The following AGFG1 variants were observed in gnomAD, a reference collection of about 807,000 sequenced individuals.
The protein encoded by AGFG1 is arf-GAP domain and FG repeat-containing protein 1.
AGFG1 carries 10 observed loss-of-function variants against 60.6 expected under a neutral mutation model. The ratio of observed to expected loss-of-function variants is 0.16; its 90% CI spans 0.10 to 0.28. The LOEUF (loss-of-function observed/expected upper bound fraction) is 0.28. AGFG1 is among the 10% of genes least tolerant of loss of function. The pLI, the probability that AGFG1 is intolerant of heterozygous loss-of-function variation, is 1.00. For synonymous variants in AGFG1, 247 were observed against 242.9 expected (o/e 1.02, Z -0.16); for missense variants, 537 against 676.5 (o/e 0.79, Z 2.29).
In AGFG1 at chr2:227,484,678, TTTTTTTTTTG is replaced by T. The variant is rs1177283301; in HGVS notation, c.168-6859_168-6850del. Among the ~76,000 whole-genome samples the T allele has an allele frequency of 4.9e-3, 45 of 9,204 alleles. 4 individuals are homozygous for T. Among genetic ancestry groups the T allele is most frequent in the African/African-American group, 0.013 (42 of 3,266 alleles). The allele number at this position is 9,204 out of a possible 152,430, so 6.0% of individuals were successfully genotyped here. On this transcript the variant is annotated intron_variant, in intron 1 of 12. Transcript: ENST00000310078. ...AGCTTCTTTAATGAAGATCTCTTAG[TTTTTTTTTTG>T]TTTTTTTTTTTTTTTTTTTTTTTTT... is the stretch of plus-strand genomic sequence containing the variant.
Position 227,510,269 on chromosome 2 carries a change from C to T in AGFG1, c.262-9679C>T, listed in dbSNP as rs114059786. Among the ~76,000 whole-genome samples the T allele has an allele frequency of 3.4e-3, 516 of 152,184 alleles. 3 individuals carry two copies. The highest frequency in any genetic ancestry group is 0.012 in the African/African-American group (489 of 41,516). On this transcript the variant is annotated intron_variant, in intron 2 of 12. Transcript: ENST00000310078. Reference sequence around the variant, plus strand: ...ACACATACACACACACACATGCACACGCACACACATCCACACCCCTGATTG... The same window carrying T: ...ACACATACACACACACACATGCACATGCACACACATCCACACCCCTGATTG...
Position 227,524,684 on chromosome 2 carries a change from T to G in AGFG1, c.541-78T>G, listed in dbSNP as rs980985621. On this transcript the variant is annotated intron_variant, in intron 4 of 12. Coordinates refer to ENST00000310078, the MANE Select transcript of AGFG1 (RefSeq NM_004504.5). Reference sequence around the variant, plus strand: ...AACTCTTCGTATGTATAAGTGTGTTTTAAGTTTGCAGATAGTTTTGTATAA... The same window carrying G: ...AACTCTTCGTATGTATAAGTGTGTTGTAAGTTTGCAGATAGTTTTGTATAA... 2.6e-5 allele frequency: 39 copies of G among 1,475,508 alleles called. No individual in the cohort carries two copies. In the East Asian group the frequency reaches 8.7e-4, roughly 33 times the overall value. 91.4% of individuals were successfully genotyped at this position (1,475,508 alleles called of 1,614,324 possible).
At chr2:227,533,997 T>C (rs1299558532) in intron 7 of AGFG1, among the ~76,000 whole-genome samples, 1 of 152,112 alleles carries the variant, frequency 6.6e-6, no homozygotes, top group Non-Finnish European at 1.5e-5. Flanking sequence ...TGAGAAAAAT[T>C]TTATTTTGTC....
At position 227,507,622 on chromosome 2, in the gene AGFG1, A is replaced by AAG. The variant is rs1226669958; in HGVS notation, c.262-12325_262-12324insGA. Among the ~76,000 whole-genome samples the AAG allele has an allele frequency of 8.0e-5, 12 of 150,422 alleles. No homozygotes were observed. In the South Asian group the frequency reaches 2.3e-3, roughly 29 times the overall value. On this transcript the variant is annotated intron_variant, in intron 2 of 12. Coordinates refer to ENST00000310078, the MANE Select transcript of AGFG1 (RefSeq NM_004504.5). ...TGTCTCAAAAAAAAAAAAAAAAAAA[A>AAG]AAAAGCGCCTTTTCACTAATTTTTT...
rs1349175932 is a variant in AGFG1 at position 227,554,627 on chromosome 2, G to A, written c.*132G>A. 6 of 718,714 alleles carry A rather than the reference G, an allele frequency of 8.3e-6. No individual in the cohort carries two copies. Among genetic ancestry groups the A allele is most frequent in the Non-Finnish European group, 1.1e-5 (5 of 446,898 alleles). 44.5% of individuals were successfully genotyped at this position (718,714 alleles called of 1,614,324 possible). ...GAAGTCTTTAAAAAGCCTGCATTGT[G>A]TATTAAACACCAGGTAATATGTGCA... On this transcript the variant is annotated 3_prime_UTR_variant, in exon 13 of 13. Coordinates refer to ENST00000310078, the MANE Select transcript of AGFG1 (RefSeq NM_004504.5).
At chr2:227,541,182 G>A (rs569044024) in intron 10 of AGFG1, among the ~76,000 whole-genome samples, 2 of 152,298 alleles carry the variant, frequency 1.3e-5, no homozygotes, top group South Asian at 4.1e-4. Flanking sequence ...TTGCTGTGCA[G>A]AAGCTCTTTG....
Position 227,556,248 on chromosome 2 carries a change from A to G in AGFG1, c.*1753A>G, listed in dbSNP as rs971982549. 1 of 152,254 alleles carries G rather than the reference A, an allele frequency of 6.6e-6. No individual in the cohort carries two copies. The highest frequency in any genetic ancestry group is 1.5e-5 in the Non-Finnish European group (1 of 68,032). The allele number at this position is 152,254 out of a possible 1,614,324, so 9.4% of individuals were successfully genotyped here. On this transcript the variant is annotated 3_prime_UTR_variant, in exon 13 of 13. Transcript: ENST00000310078. ...TATTCATGTTGAATGCCTTTTTGCA[A>G]TGATGACTGAGTTGTTATCATAGTA...
intron 2 of AGFG1, among the ~76,000 whole-genome samples, chr2:227,498,475 G>T (rs1462529358): frequency 6.6e-6 from 1 of 152,106 alleles, no homozygotes; most frequent in African/African-American, 2.4e-5. Context: ...ATTATTTAAG[G>T]GATATTTATT....
In AGFG1 at chr2:227,536,633, T is replaced by A; in HGVS notation, c.1214T>A (p.Phe405Tyr). The A allele has an allele frequency of 6.2e-7, 1 of 1,613,584 alleles. No homozygotes were observed. Among genetic ancestry groups the A allele is most frequent in the Middle Eastern group, 1.7e-4 (1 of 6,058 alleles). Residue 405 changes from phenylalanine to tyrosine, a missense_variant, in exon 9 of 13, where the codon TTT becomes TAT. Coordinates refer to ENST00000310078, the MANE Select transcript of AGFG1 (RefSeq NM_004504.5). The part of the protein sequence containing the change: ...TSTSNASSNV[F>Y]GTVPVVASAQ... Reference sequence around the variant, plus strand: ...TCAATATTTGTTCTCAGCAATGTTTTTGGAACAGTGCCAGTGGTTGCTTCT... The same window carrying A: ...TCAATATTTGTTCTCAGCAATGTTTATGGAACAGTGCCAGTGGTTGCTTCT...
intron 10 of AGFG1, among the ~76,000 whole-genome samples, chr2:227,547,192 C>T (rs1692676769): frequency 1.3e-5 from 2 of 152,146 alleles, no homozygotes; most frequent in Admixed American, 1.3e-4. Context: ...ACTTCACTTG[C>T]CTAGCATACT....
chr2:227,539,583 C>T (rs1028999323), intron 10 of AGFG1, among the ~76,000 whole-genome samples: 1 of 151,470 alleles, frequency 6.6e-6, no homozygotes, highest in African/African-American at 2.4e-5. Flanking sequence ...ATGGCGAACC[C>T]CGTTTCTACA....
intron 12 of AGFG1, 27 bp from the exon 13 acceptor site, chr2:227,554,405 CTTTA>C (rs1328973717): frequency 6.3e-6 from 10 of 1,585,456 alleles, no homozygotes; most frequent in Non-Finnish European, 6.0e-6. Flanking sequence ...ACTTTTGTCT[CTTTA>C]TTTATTTGTC....
intron 2 of AGFG1, among the ~76,000 whole-genome samples, chr2:227,506,115 T>C (rs955865227): frequency 1.3e-5 from 2 of 152,256 alleles, no homozygotes; most frequent in African/African-American, 4.8e-5. Flanking sequence ...TCTTTATCAT[T>C]GCAGAATCTG....
At chr2:227,476,738 T>C (rs1377372864) in intron 1 of AGFG1, among the ~76,000 whole-genome samples, 4 of 152,190 alleles carry the variant, frequency 2.6e-5, no homozygotes, top group Non-Finnish European at 5.9e-5. Flanking sequence ...AATCAGATGC[T>C]CTTTTGGAGC....
chr2:227,509,315 G>A (rs1462898412), intron 2 of AGFG1, among the ~76,000 whole-genome samples: 1 of 152,082 alleles, frequency 6.6e-6, no homozygotes, highest in Admixed American at 6.5e-5. Context: ...CAGCTGGCCT[G>A]TACTCTTCAA....
intron 2 of AGFG1, among the ~76,000 whole-genome samples, chr2:227,519,603 T>C (rs1315131759): frequency 1.3e-5 from 2 of 152,212 alleles, no homozygotes; most frequent in East Asian, 3.8e-4. Flanking sequence ...GCCTGTGAAA[T>C]AGCCATTGGT....
chr2:227,557,727 G>T lies in AGFG1; in HGVS notation c.*3232G>T, dbSNP rs908832550. On this transcript the variant is annotated 3_prime_UTR_variant, in exon 13 of 13. Coordinates refer to ENST00000310078, the MANE Select transcript of AGFG1 (RefSeq NM_004504.5). ...TTTTACATTTTATGCATTTAAATCT[G>T]GCTTAATAAAAGCAGTGAGATTTTC... 2.6e-5 allele frequency: 4 copies of T among 152,090 alleles called. No individual in the cohort carries two copies. Among genetic ancestry groups the T allele is most frequent in the African/African-American group, 9.7e-5 (4 of 41,388 alleles). The allele number at this position is 152,090 out of a possible 1,614,324, so 9.4% of individuals were successfully genotyped here.
chr2:227,495,257 A>T (rs545167946), intron 2 of AGFG1, among the ~76,000 whole-genome samples: 2 of 152,114 alleles, frequency 1.3e-5, no homozygotes, highest in Non-Finnish European at 2.9e-5. Flanking sequence ...TTAAAAAAAA[A>T]CCTGTAGTGA....
At position 227,491,484 on chromosome 2, in the gene AGFG1, A is replaced by G. The variant is rs1465437303; in HGVS notation, c.168-63A>G. 6 of 993,500 alleles carry G rather than the reference A, an allele frequency of 6.0e-6. No individual in the cohort carries two copies. The East Asian group carries it at 1.1e-4, about 17-fold the overall frequency. The allele number at this position is 993,500 out of a possible 1,614,324, so 61.5% of individuals were successfully genotyped here. ...TTGGTTAGAAATATTTTGAATTACT[A>G]GATGTGTCATTTTAAAAATGTGGTA... On this transcript the variant is annotated intron_variant, in intron 1 of 12. Coordinates refer to ENST00000310078, the MANE Select transcript of AGFG1 (RefSeq NM_004504.5).
Sources: gnomAD v4.1 joint callset for allele counts (sites outside exome capture counted in the v4.1 genomes callset) on GRCh38, gnomAD v4.1.1 for gene constraint, MANE v1.5 for transcripts, NCBI Gene and HGNC (gene_info 2026-07-23, HGNC 2026-07-21) for gene names.